The following PPP2R2B variants were observed in gnomAD, a reference collection of about 807,000 sequenced individuals.
The protein encoded by PPP2R2B is serine/threonine-protein phosphatase 2A 55 kDa regulatory subunit B beta isoform.
In PPP2R2B, 5 loss-of-function variants were observed where a neutral mutation model predicts 46.0. The observed-to-expected ratio is 0.11, with a 90% confidence interval of 0.06 to 0.23. PPP2R2B has a LOEUF of 0.23. PPP2R2B is among the 10% of genes least tolerant of loss of function. The pLI is 1.00. For synonymous variants in PPP2R2B, 215 were observed against 206.7 expected (o/e 1.04, Z -0.34); for missense variants, 367 against 575.0 (o/e 0.64, Z 3.70).
At chr5:146,830,529 C>CT (rs56686117) in intron 2 of PPP2R2B, among the ~76,000 whole-genome samples, 27,299 of 143,990 alleles carry the variant, frequency 0.19, 2,878 homozygotes, top group East Asian at 0.45. Context: ...TGTATATTGG[C>CT]TTTTTTTTTT....
chr5:147,075,041 T>C (rs961981808), intron 2 of PPP2R2B, among the ~76,000 whole-genome samples: 2 of 152,168 alleles, frequency 1.3e-5, no homozygotes, highest in Admixed American at 1.3e-4. Context: ...AAGAAAATGG[T>C]TATATGCTGT....
chr5:146,894,628 C>T (rs566514543), intron 1 of PPP2R2B, among the ~76,000 whole-genome samples: 13 of 152,100 alleles, frequency 8.5e-5, no homozygotes, highest in Admixed American at 1.3e-4. Flanking sequence ...TTAGTAGAAA[C>T]GGGGTCTTCC....
At chr5:146,608,011 GATTTCTTCAACTATTTGA>G (rs1436767215) in intron 7 of PPP2R2B, among the ~76,000 whole-genome samples, 3 of 152,070 alleles carry the variant, frequency 2.0e-5, no homozygotes. Flanking sequence ...ATTCTTTTTT[GATTTCTTCAACTATTTGA>G]AAATGTAAAA....
chr5:146,781,562 C>A lies in PPP2R2B; in HGVS notation c.71-80420G>T, dbSNP rs940340870. Among the ~76,000 whole-genome samples the A allele has an allele frequency of 3.3e-5, 5 of 150,960 alleles. No individual in the cohort carries two copies. In the East Asian group the frequency reaches 7.8e-4, roughly 24 times the overall value. ...TAAATTCCTAGCTTCATATAATACT[C>A]AGGCAAGGCATTTTTCATGAAAACA... On this transcript the variant is annotated intron_variant, in intron 2 of 9. Coordinates refer to ENST00000394411, the MANE Select transcript of PPP2R2B (RefSeq NM_181675.4).
chr5:146,752,785 G>A (rs1582024287), intron 2 of PPP2R2B, among the ~76,000 whole-genome samples: 2 of 152,326 alleles, frequency 1.3e-5, no homozygotes, highest in East Asian at 3.9e-4. Flanking sequence ...AGCATTGCCT[G>A]CAGCCTCATG....
intron 2 of PPP2R2B, among the ~76,000 whole-genome samples, chr5:146,773,821 A>G (rs1322613022): frequency 6.6e-6 from 1 of 152,140 alleles, no homozygotes; most frequent in Non-Finnish European, 1.5e-5. Context: ...AATTGCCATG[A>G]GTTTTTTGTT....
At chr5:146,839,147 A>G (rs1309604280) in intron 2 of PPP2R2B, among the ~76,000 whole-genome samples, 1 of 152,094 alleles carries the variant, frequency 6.6e-6, no homozygotes, top group Admixed American at 6.6e-5. Flanking sequence ...AGTCTATTCG[A>G]TCTTGTGGGG....
chr5:147,071,994 A>G lies in PPP2R2B; in HGVS notation c.50+9065T>C, dbSNP rs377733236. Among the ~76,000 whole-genome samples, 90 of 152,326 alleles carry G rather than the reference A, an allele frequency of 5.9e-4. 3 individuals are homozygous for G. In the South Asian group the frequency reaches 0.018, roughly 30 times the overall value. On this transcript the variant is annotated intron_variant, in intron 2 of 10. Transcript: ENST00000394413. The stretch of plus-strand genomic sequence containing the variant: ...GTTGCCTTGGTGTCCTATGCCCTGC[A>G]TTTTCAAGACAGTCAACCATGTCTT...
At chr5:146,913,454 A>C (rs1763263658) in intron 1 of PPP2R2B, among the ~76,000 whole-genome samples, 2 of 152,240 alleles carry the variant, frequency 1.3e-5, no homozygotes, top group Admixed American at 1.3e-4. Context: ...TGCTTAGTAA[A>C]AATTGAAAGA....
chr5:146,817,319 C>T (rs1197551483), intron 2 of PPP2R2B, among the ~76,000 whole-genome samples: 2 of 152,214 alleles, frequency 1.3e-5, no homozygotes, highest in African/African-American at 4.8e-5. Flanking sequence ...TTCTCTTCCC[C>T]ACTGACTTGG....
chr5:147,005,547 A>G (rs1333839161), intron 1 of PPP2R2B, among the ~76,000 whole-genome samples: 1 of 152,214 alleles, frequency 6.6e-6, no homozygotes, highest in African/African-American at 2.4e-5. Flanking sequence ...CACTCCTTGC[A>G]AAAACCCAAG....
At chr5:146,847,548 C>G (rs1760080542) in intron 2 of PPP2R2B, among the ~76,000 whole-genome samples, 1 of 152,182 alleles carries the variant, frequency 6.6e-6, no homozygotes, top group African/African-American at 2.4e-5. Flanking sequence ...CATCTCCTGG[C>G]CTCCAGGAAC....
chr5:146,989,417 A>G (rs1031686303), intron 1 of PPP2R2B, among the ~76,000 whole-genome samples: 1 of 152,152 alleles, frequency 6.6e-6, no homozygotes, highest in Non-Finnish European at 1.5e-5. Context: ...AATAGGATTC[A>G]TTCCAGGGAT....
intron 2 of PPP2R2B, among the ~76,000 whole-genome samples, chr5:146,805,044 CTG>C (rs1403682587): frequency 6.6e-6 from 1 of 152,192 alleles, no homozygotes; most frequent in African/African-American, 2.4e-5. Flanking sequence ...CCTCCTCAAG[CTG>C]TGAGGTCAGA....
At chr5:147,053,239 CA>C (rs893052947) in intron 1 of PPP2R2B, among the ~76,000 whole-genome samples, 8 of 146,886 alleles carry the variant, frequency 5.4e-5, no homozygotes, top group Non-Finnish European at 9.0e-5. Flanking sequence ...CACGCGCACA[CA>C]AAAAAAGCAA....
chr5:146,733,569 A>G (rs1194062242), intron 2 of PPP2R2B, among the ~76,000 whole-genome samples: 1 of 152,232 alleles, frequency 6.6e-6, no homozygotes, highest in Non-Finnish European at 1.5e-5. Context: ...AGAAGATGAC[A>G]GGATACTGAA....
At chr5:146,967,958 A>T (rs1054058347) in intron 1 of PPP2R2B, among the ~76,000 whole-genome samples, 2 of 152,234 alleles carry the variant, frequency 1.3e-5, no homozygotes, top group Non-Finnish European at 2.9e-5. Context: ...TCTCAAAGAC[A>T]GCCCACTCAG....
chr5:146,652,053 C>T (rs1434604914), intron 5 of PPP2R2B, among the ~76,000 whole-genome samples: 2 of 152,084 alleles, frequency 1.3e-5, no homozygotes, highest in African/African-American at 4.8e-5. Flanking sequence ...CAGGGGTCCT[C>T]TGAATACTAG....
At position 146,877,895 on chromosome 5, in the gene PPP2R2B, A is replaced by G. The variant is rs1468044349; in HGVS notation, c.70+107T>C. On this transcript the variant is annotated intron_variant, in intron 2 of 9. Transcript: ENST00000394411. The stretch of plus-strand genomic sequence containing the variant: ...CCAGCCGAGCCCCCGCCCCAGCCCT[A>G]GGGCCCGGAGGAGTCTCCGCCACTA... The G allele has an allele frequency of 1.5e-5, 19 of 1,305,908 alleles. No individual in the cohort carries two copies. The African/African-American group carries it at 2.4e-4, about 16-fold the overall frequency. 80.9% of individuals were successfully genotyped at this position (1,305,908 alleles called of 1,614,324 possible).
Sources: allele counts gnomAD v4.1 joint callset (sites outside exome capture counted in the v4.1 genomes callset), GRCh38; gene constraint gnomAD v4.1.1; transcripts MANE v1.5; gene names NCBI Gene and HGNC (gene_info 2026-07-23, HGNC 2026-07-21).